The following ADD3 variants were observed in gnomAD, a reference collection of about 807,000 sequenced individuals.
The protein encoded by ADD3 is adducin 3, also known as gamma-adducin.
In ADD3, 25 loss-of-function variants were observed where a neutral mutation model predicts 80.2. The ratio of observed to expected loss-of-function variants is 0.31; its 90% CI spans 0.23 to 0.44. ADD3 has a LOEUF of 0.44. Ranked by LOEUF, ADD3 falls within the 20% of genes least tolerant of loss-of-function variation. The pLI, the probability that ADD3 is intolerant of heterozygous loss-of-function variation, is 1.00. For missense variants in ADD3, 829 were observed against 847.5 expected, an observed-to-expected ratio of 0.98 and a Z score of 0.27; for synonymous variants, 284 against 289.6, an observed-to-expected ratio of 0.98 and a Z score of 0.20.
At chr10:110,114,707 G>T (rs1850476836) in intron 3 of ADD3, among the ~76,000 whole-genome samples, 1 of 152,244 alleles carries the variant, frequency 6.6e-6, no homozygotes, top group African/African-American at 2.4e-5. Context: ...GAGAAGGTAA[G>T]AAAAACCAGG....
intron 1 of ADD3, among the ~76,000 whole-genome samples, chr10:110,013,452 G>T (rs1056911844): frequency 6.6e-6 from 1 of 152,124 alleles, no homozygotes. Context: ...TTTCTGCAGT[G>T]GGCATATGCA....
chr10:110,063,737 T>TATA lies in ADD3; in HGVS notation c.-29-36888_-29-36887insATA, dbSNP rs1554926923. Reference sequence around the variant, plus strand: ...TGATGAATATGAATATATATATTCATTATATATATATATATATATATATAT... The same window carrying TATA: ...TGATGAATATGAATATATATATTCATATATATATATATATATATATATATATAT... On this transcript the variant is annotated intron_variant, in intron 1 of 14. Coordinates refer to ENST00000356080, the MANE Select transcript of ADD3 (RefSeq NM_016824.5). 3.1e-3 allele frequency among the ~76,000 whole-genome samples: 198 copies of TATA among 64,668 alleles called. 5 individuals are homozygous for TATA. The highest frequency in any genetic ancestry group is 0.011 in the African/African-American group (185 of 16,434). The allele number at this position is 64,668 out of a possible 152,430, so 42.4% of individuals were successfully genotyped here.
chr10:109,998,918 G>T, intron 1 of ADD3, among the ~76,000 whole-genome samples: 1 of 145,414 alleles, frequency 6.9e-6, no homozygotes, highest in African/African-American at 2.6e-5. Context: ...CTTATTTATT[G>T]ATTTGTTTAC....
chr10:110,036,482 C>A (rs1855672777), intron 1 of ADD3, among the ~76,000 whole-genome samples: 1 of 150,074 alleles, frequency 6.7e-6, no homozygotes, highest in Non-Finnish European at 1.5e-5. Context: ...CAGGTTCATG[C>A]CATTCTCCTG....
At chr10:110,051,085 T>G (rs1180264924) in intron 1 of ADD3, among the ~76,000 whole-genome samples, 1 of 152,168 alleles carries the variant, frequency 6.6e-6, no homozygotes, top group African/African-American at 2.4e-5. Flanking sequence ...CAAGAAATAG[T>G]GCTGGGAAAA....
chr10:110,034,507 T>A (rs1855418540), intron 1 of ADD3, among the ~76,000 whole-genome samples: 1 of 151,980 alleles, frequency 6.6e-6, no homozygotes, highest in African/African-American at 2.4e-5. Context: ...GATAAATGTT[T>A]TAGTAGCAAT....
chr10:110,050,703 G>A (rs554797468), intron 1 of ADD3, among the ~76,000 whole-genome samples: 3 of 151,976 alleles, frequency 2.0e-5, no homozygotes, highest in Admixed American at 2.0e-4. Context: ...GTGGAGACAG[G>A]TTTCACCATG....
rs558304384 is a variant in ADD3 at position 110,095,537 on chromosome 10, C to CAGT, written c.-29-5086_-29-5084dup. On this transcript the variant is annotated intron_variant, in intron 1 of 14. Transcript: ENST00000356080. ...GGTTCATCCATGCTGAAGCACATATCAGTATTCCATTTCCTTTTATTGCCA... is the reference window on the plus strand; with the variant it reads ...GGTTCATCCATGCTGAAGCACATATCAGTAGTATTCCATTTCCTTTTATTGCCA... Among the ~76,000 whole-genome samples, 6 of 152,332 alleles carry CAGT rather than the reference C, an allele frequency of 3.9e-5. No homozygotes were observed. The South Asian group carries it at 1.2e-3, about 32-fold the overall frequency.
intron 1 of ADD3, among the ~76,000 whole-genome samples, chr10:110,048,118 A>C (rs1029352547): frequency 2.0e-5 from 3 of 152,118 alleles, no homozygotes; most frequent in African/African-American, 7.2e-5. Context: ...CTTAAGTCTC[A>C]CGAGATGTGA....
At chr10:110,049,517 T>C (rs1330249299) in intron 1 of ADD3, among the ~76,000 whole-genome samples, 3 of 152,174 alleles carry the variant, frequency 2.0e-5, no homozygotes, top group Non-Finnish European at 2.9e-5. Flanking sequence ...CTCAAGATCA[T>C]AGGAACCCAC....
At chr10:109,999,683 T>A (rs1485936711) in intron 1 of ADD3, among the ~76,000 whole-genome samples, 1 of 152,194 alleles carries the variant, frequency 6.6e-6, no homozygotes, top group East Asian at 1.9e-4. Context: ...ACATAATCAC[T>A]CTTTAAACTG....
At chr10:110,069,216 C>T (rs1844372319) in intron 1 of ADD3, among the ~76,000 whole-genome samples, 2 of 152,070 alleles carry the variant, frequency 1.3e-5, no homozygotes, top group Non-Finnish European at 2.9e-5. Flanking sequence ...AAGGATTTTT[C>T]CTCTCAGGTT....
chr10:110,046,480 G>A (rs1564887531), intron 1 of ADD3, among the ~76,000 whole-genome samples: 1 of 151,048 alleles, frequency 6.6e-6, no homozygotes, highest in South Asian at 2.1e-4. Context: ...TGTTGTTCAA[G>A]GGTCATCTAT....
intron 1 of ADD3, among the ~76,000 whole-genome samples, chr10:110,039,934 C>T (rs918613676): frequency 1.3e-5 from 2 of 152,164 alleles, no homozygotes; most frequent in African/African-American, 4.8e-5. Context: ...AGCAGGCTTC[C>T]CTTGGAACAA....
At chr10:110,084,590 C>G (rs990433330) in intron 1 of ADD3, among the ~76,000 whole-genome samples, 5 of 151,938 alleles carry the variant, frequency 3.3e-5, no homozygotes, top group African/African-American at 1.2e-4. Context: ...GGACACGTCA[C>G]TCTCTCTCTC....
chr10:110,083,407 T>C (rs1846311995), intron 1 of ADD3, among the ~76,000 whole-genome samples: 2 of 151,860 alleles, frequency 1.3e-5, no homozygotes, highest in South Asian at 4.2e-4. Context: ...TCCCAGCTAC[T>C]CGGGAGGCTG....
At chr10:110,014,198 A>C (rs998733585) in intron 1 of ADD3, among the ~76,000 whole-genome samples, 1 of 152,194 alleles carries the variant, frequency 6.6e-6, no homozygotes, top group Non-Finnish European at 1.5e-5. Flanking sequence ...TTTACGCCCT[A>C]GGAAGTTAGA....
chr10:110,013,368 G>C (rs1313731580), intron 1 of ADD3, among the ~76,000 whole-genome samples: 2 of 152,210 alleles, frequency 1.3e-5, no homozygotes, highest in Non-Finnish European at 2.9e-5. Flanking sequence ...TACCCAAAGT[G>C]CTGGGGTTAC....
chr10:110,000,574 C>A (rs1426892496), intron 1 of ADD3, among the ~76,000 whole-genome samples: 1 of 152,216 alleles, frequency 6.6e-6, no homozygotes, highest in African/African-American at 2.4e-5. Context: ...GTCAATATTT[C>A]TGTTATGTTT....
Sources: gnomAD v4.1 joint callset for allele counts (sites outside exome capture counted in the v4.1 genomes callset) on GRCh38, gnomAD v4.1.1 for gene constraint, MANE v1.5 for transcripts, NCBI Gene and HGNC (gene_info 2026-07-23, HGNC 2026-07-21) for gene names.